Variants in FSTL4 observed in about 807,000 individuals in gnomAD.
The protein encoded by FSTL4 is follistatin-related protein 4.
A neutral mutation model predicts 78.2 loss-of-function variants in FSTL4; 28 were observed. That is an observed-to-expected ratio of 0.36 (90% CI 0.27 to 0.49). The LOEUF is 0.49. Ranked by LOEUF, FSTL4 falls within the 20% of genes least tolerant of loss-of-function variation. The pLI is 0.98. For missense variants in FSTL4, 922 were observed against 1,084.9 expected (o/e 0.85, Z 2.11); for synonymous variants, 422 against 440.5 (o/e 0.96, Z 0.53).
chr5:133,707,899 C>G, the FSTL4 span, among the ~76,000 whole-genome samples: 23 of 151,974 alleles, frequency 1.5e-4, no homozygotes, highest in African/African-American at 5.6e-4. Context: ...GGCCCGGGCA[C>G]TGGGGAGGCT....
intron 3 of FSTL4, among the ~76,000 whole-genome samples, chr5:133,513,573 A>C (rs554803378): frequency 6.6e-6 from 1 of 152,346 alleles, no homozygotes; most frequent in Non-Finnish European, 1.5e-5. Flanking sequence ...TTCCAATTCC[A>C]ATTCTATGGA....
At chr5:133,464,609 C>T (rs759701518) in intron 3 of FSTL4, among the ~76,000 whole-genome samples, 1 of 152,210 alleles carries the variant, frequency 6.6e-6, no homozygotes, top group Non-Finnish European at 1.5e-5. Flanking sequence ...GCTCATACTC[C>T]TACCTTCCCC....
intron 4 of FSTL4, among the ~76,000 whole-genome samples, chr5:133,360,592 A>G (rs1032128927): frequency 1.3e-5 from 2 of 152,026 alleles, no homozygotes; most frequent in East Asian, 3.9e-4. Context: ...AAATCTCAAC[A>G]GCAAAGTTCC....
chr5:133,569,076 A>G (rs1231452264), intron 2 of FSTL4, among the ~76,000 whole-genome samples: 4 of 152,016 alleles, frequency 2.6e-5, no homozygotes, highest in Non-Finnish European at 2.9e-5. Flanking sequence ...TTTTGTTTGT[A>G]TATTTGATGG....
chr5:133,814,051 G>A, the FSTL4 span, among the ~76,000 whole-genome samples: 2 of 152,218 alleles, frequency 1.3e-5, no homozygotes, highest in Non-Finnish European at 2.9e-5. Context: ...GGCAACGGGG[G>A]CTGGGAAACC....
At chr5:133,534,973 GA>G (rs1759323420) in intron 3 of FSTL4, among the ~76,000 whole-genome samples, 1 of 152,176 alleles carries the variant, frequency 6.6e-6, no homozygotes, top group South Asian at 2.1e-4. Context: ...TTCGTATGTT[GA>G]AATTCTAATC....
chr5:133,691,822 C>G, the FSTL4 span, among the ~76,000 whole-genome samples: 4 of 152,260 alleles, frequency 2.6e-5, no homozygotes, highest in East Asian at 5.8e-4. Flanking sequence ...AAGACAAACC[C>G]TCTTAAGTAG....
chr5:133,445,072 T>C (rs956016174), intron 3 of FSTL4, among the ~76,000 whole-genome samples: 8 of 152,230 alleles, frequency 5.3e-5, no homozygotes, highest in East Asian at 1.9e-4. Flanking sequence ...ACCTAGCACA[T>C]AGCACCTCTT....
chr5:133,827,568 C>A, the FSTL4 span, among the ~76,000 whole-genome samples: 1 of 151,960 alleles, frequency 6.6e-6, no homozygotes, highest in Non-Finnish European at 1.5e-5. Context: ...ACATGGAGAT[C>A]CTTTAAACAT....
chr5:133,386,322 G>A (rs913139831), intron 4 of FSTL4, among the ~76,000 whole-genome samples: 2 of 152,228 alleles, frequency 1.3e-5, no homozygotes, highest in African/African-American at 2.4e-5. Context: ...ACAGCCAGCA[G>A]AGTCTCCGTG....
intron 4 of FSTL4, among the ~76,000 whole-genome samples, chr5:133,358,659 G>GC (rs1754998088): frequency 6.7e-6 from 1 of 150,180 alleles, no homozygotes; most frequent in African/African-American, 2.5e-5. Flanking sequence ...GAGTGCAGTG[G>GC]CGCGATCTCA....
chr5:133,440,538 G>T lies in FSTL4; in HGVS notation c.161-39552C>A, dbSNP rs757040791. On this transcript the variant is annotated intron_variant, in intron 3 of 15. Transcript: ENST00000265342. The surrounding 1 kb of genome is among the most constrained non-coding windows in gnomAD (Gnocchi z 4.1). ...ATTCAACTTCCTGGGAGAAGCAGTC[G>T]GTACTGGACTTAGCTTATCGCCTCC... Among the ~76,000 whole-genome samples the T allele has an allele frequency of 3.3e-5, 5 of 152,184 alleles. No individual in the cohort carries two copies. The highest frequency in any genetic ancestry group is 7.4e-5 in the Non-Finnish European group (5 of 68,026).
chr5:133,222,408 T>TCTCA (rs1465732097), intron 11 of FSTL4, among the ~76,000 whole-genome samples: 7 of 152,108 alleles, frequency 4.6e-5, no homozygotes, highest in Admixed American at 2.6e-4. Flanking sequence ...ACCCCATCTA[T>TCTCA]CTCACCCACA....
upstream of FSTL4, among the ~76,000 whole-genome samples, chr5:133,615,174 G>A (rs1761175852): frequency 6.6e-6 from 1 of 152,172 alleles, no homozygotes; most frequent in African/African-American, 2.4e-5. Context: ...GCTTACCCTT[G>A]GGAGTCCCCA....
chr5:133,688,882 C>T, the FSTL4 span, among the ~76,000 whole-genome samples: 6 of 152,182 alleles, frequency 3.9e-5, no homozygotes, highest in African/African-American at 1.2e-4. Flanking sequence ...CCACGCCAGG[C>T]GAACTAAATT....
chr5:133,827,476 A>AGC, the FSTL4 span, among the ~76,000 whole-genome samples: 1 of 152,052 alleles, frequency 6.6e-6, no homozygotes, highest in Non-Finnish European at 1.5e-5. Context: ...TTGGGACCAC[A>AGC]AGTTTCTGAC....
At position 133,233,454 on chromosome 5, in the gene FSTL4, G is replaced by A. The variant is rs61741670; in HGVS notation, c.978C>T (p.His326=). ...MGNYTCHASG[H]EQLFQTHVLQ... Reference sequence around the variant, plus strand: ...GGACGTGGGTCTGGAACAGCTGCTCGTGGCCGGAAGCATGGCAGGTGTAAT... The same window carrying A: ...GGACGTGGGTCTGGAACAGCTGCTCATGGCCGGAAGCATGGCAGGTGTAAT... Residue 326 remains histidine (H), a synonymous_variant, in exon 8 of 16, where the codon CAC becomes CAT. Transcript: ENST00000265342. 5.9e-4 allele frequency: 949 copies of A among 1,614,198 alleles called. 10 individuals carry two copies. In the African/African-American group the frequency reaches 0.011, roughly 18 times the overall value.
At chr5:133,724,532 G>T in the FSTL4 span, among the ~76,000 whole-genome samples, 3 of 152,102 alleles carry the variant, frequency 2.0e-5, no homozygotes, top group East Asian at 5.8e-4. Flanking sequence ...CTTGTAGTCA[G>T]TCACCTTGTT....
intron 3 of FSTL4, among the ~76,000 whole-genome samples, chr5:133,401,821 C>T (rs776474715): frequency 6.6e-6 from 1 of 152,084 alleles, no homozygotes; most frequent in Non-Finnish European, 1.5e-5. Context: ...TTGCAGGTCT[C>T]AGGTAGAAGA....
Sources: allele counts gnomAD v4.1 joint callset (sites outside exome capture counted in the v4.1 genomes callset), GRCh38; gene constraint gnomAD v4.1.1; non-coding constraint Gnocchi (gnomAD v3.1); transcripts MANE v1.5; gene names NCBI Gene and HGNC (gene_info 2026-07-23, HGNC 2026-07-21).